The following ADAMTS2 variants were observed in gnomAD, a reference collection of about 807,000 sequenced individuals.
The protein encoded by ADAMTS2 is ADAM metallopeptidase with thrombospondin type 1 motif 2.
A neutral mutation model predicts 123.0 loss-of-function variants in ADAMTS2; 50 were observed. The observed-to-expected ratio is 0.41, with a 90% CI of 0.32 to 0.51. The LOEUF (loss-of-function observed/expected upper bound fraction) is 0.51, where lower values mean the gene tolerates loss of function less well. Among genes scored for constraint, ADAMTS2 ranks in the 20% least tolerant of loss-of-function variants. The pLI is 0.35. For missense variants in ADAMTS2, 1,494 were observed against 1,705.2 expected, an observed-to-expected ratio of 0.88 and a Z score of 2.18; for synonymous variants, 678 against 695.4, an observed-to-expected ratio of 0.98 and a Z score of 0.39.
At chr5:179,295,436 G>A (rs1019246230) in intron 2 of ADAMTS2, among the ~76,000 whole-genome samples, 4 of 152,274 alleles carry the variant, frequency 2.6e-5, no homozygotes, top group East Asian at 3.9e-4. Flanking sequence ...AAGCTCCCTC[G>A]TCCTGCCCGC....
rs1765489389 is a variant in ADAMTS2, at chr5:179,234,897, C to T, written c.689-27182G>A. ...CCTCCCTCTTCCCAAGCCTAGCAGA[C>T]CCGTGCGGGAGTGCGAGCACACTGG... On this transcript the variant is annotated intron_variant, in intron 3 of 21. Transcript: ENST00000251582. This position sits in a 1 kb window ranked among gnomAD's most constrained non-coding sequence, Gnocchi z 4.7. 6.6e-6 allele frequency among the ~76,000 whole-genome samples: 1 copy of T among 152,222 alleles called. No individual in the cohort carries two copies. Among genetic ancestry groups the T allele is most frequent in the South Asian group, 2.1e-4 (1 of 4,834 alleles).
At chr5:179,275,072 G>A (rs1766658569) in intron 2 of ADAMTS2, among the ~76,000 whole-genome samples, 1 of 152,162 alleles carries the variant, frequency 6.6e-6, no homozygotes, top group Non-Finnish European at 1.5e-5. Context: ...CAAGGGCACG[G>A]TGCCCGGTGG....
intron 10 of ADAMTS2, among the ~76,000 whole-genome samples, chr5:179,143,177 T>A (rs1170493407): frequency 2.0e-5 from 3 of 152,224 alleles, no homozygotes; most frequent in African/African-American, 7.2e-5. Context: ...CTCACACCTG[T>A]AGTCCCAGCA....
intron 2 of ADAMTS2, among the ~76,000 whole-genome samples, chr5:179,290,503 G>A (rs995581777): frequency 2.6e-5 from 4 of 152,260 alleles, no homozygotes; most frequent in Middle Eastern, 3.4e-3. Flanking sequence ...AAGTACCAAC[G>A]CTTAGTATCA....
rs1764264106 is a variant in ADAMTS2, at chr5:179,189,836, C to A, written c.892-8681G>T. On this transcript the variant is annotated intron_variant, in intron 4 of 21. Coordinates refer to ENST00000251582, the MANE Select transcript of ADAMTS2 (RefSeq NM_014244.5). The surrounding 1 kb of genome is among the most constrained non-coding windows in gnomAD (Gnocchi z 4.2). ...CTTAAGTTGGGGGGAGAGAATATTA[C>A]AAAGTATCTTCTCAAGGGTGGGGAG... is the stretch of plus-strand genomic sequence containing the variant. 6.9e-6 allele frequency among the ~76,000 whole-genome samples: 1 copy of A among 145,190 alleles called. No individual in the cohort carries two copies. Among genetic ancestry groups the A allele is most frequent in the Non-Finnish European group, 1.5e-5 (1 of 67,034 alleles).
At chr5:179,330,485 G>T (rs1757453134) in intron 2 of ADAMTS2, among the ~76,000 whole-genome samples, 1 of 152,244 alleles carries the variant, frequency 6.6e-6, no homozygotes, top group African/African-American at 2.4e-5. Context: ...CCCCGGCTTT[G>T]GTTTTTAATG....
In ADAMTS2 at chr5:179,225,281, G is replaced by A. The variant is rs458752; in HGVS notation, c.689-17566C>T. Among the ~76,000 whole-genome samples the A allele has an allele frequency of 0.79, 120,036 of 152,130 alleles. 47,759 individuals are homozygous for A. The highest frequency in any genetic ancestry group is 0.99 in the East Asian group (5,153 of 5,190). The stretch of plus-strand genomic sequence containing the variant: ...CATAAAGCGCTCTTACAAATCAACA[G>A]GAAACAATCCAGCAATCCAAAAGGG... On this transcript the variant is annotated intron_variant, in intron 3 of 21. Transcript: ENST00000251582. This position sits in a 1 kb window ranked among gnomAD's most constrained non-coding sequence, Gnocchi z 4.5.
At chr5:179,141,920 A>G (rs1763178629) in intron 10 of ADAMTS2, among the ~76,000 whole-genome samples, 1 of 152,104 alleles carries the variant, frequency 6.6e-6, no homozygotes, top group Non-Finnish European at 1.5e-5. Context: ...CAGATTGCTT[A>G]TAGGGTAGAG....
At chr5:179,237,352 C>T (rs1191317752) in intron 3 of ADAMTS2, among the ~76,000 whole-genome samples, 1 of 152,166 alleles carries the variant, frequency 6.6e-6, no homozygotes, top group African/African-American at 2.4e-5. Context: ...AGACAAAGTG[C>T]AAGAAGGTGC....
intron 2 of ADAMTS2, among the ~76,000 whole-genome samples, chr5:179,321,579 G>A (rs779773528): frequency 2.1e-4 from 32 of 152,042 alleles, no homozygotes; most frequent in Non-Finnish European, 3.4e-4. Context: ...GCACATGGTG[G>A]GGGGCCAAGG....
intron 4 of ADAMTS2, among the ~76,000 whole-genome samples, chr5:179,193,325 T>A (rs1035076907): frequency 6.6e-6 from 1 of 152,164 alleles, no homozygotes; most frequent in Non-Finnish European, 1.5e-5. Context: ...CGCCGAGTAC[T>A]TCCCCGCGTG....
intron 4 of ADAMTS2, among the ~76,000 whole-genome samples, chr5:179,194,881 A>G (rs576608321): frequency 7.6e-4 from 115 of 152,250 alleles, no homozygotes; most frequent in African/African-American, 2.5e-3. Context: ...CAAACCTCCT[A>G]AGAGAGAGGA....
At chr5:179,280,299 T>C (rs1361156590) in intron 2 of ADAMTS2, among the ~76,000 whole-genome samples, 1 of 151,884 alleles carries the variant, frequency 6.6e-6, no homozygotes, top group African/African-American at 2.4e-5. Flanking sequence ...AAGGGCAGGG[T>C]GGGGGGCGAG....
chr5:179,277,322 C>CCCA lies in ADAMTS2; in HGVS notation c.535-4259_535-4258insTGG, dbSNP rs1766728872. Among the ~76,000 whole-genome samples, 2 of 57,568 alleles carry CCCA rather than the reference C, an allele frequency of 3.5e-5. 1 individual carries two copies. The highest frequency in any genetic ancestry group is 6.2e-5 in the Non-Finnish European group (2 of 32,418). The allele number at this position is 57,568 out of a possible 152,430, so 37.8% of individuals were successfully genotyped here. ...CCTGCCCCGAGACCAAAGGCTGACA[C>CCCA]CCCGAGACCAAAGGCTGACCCCCCT... On this transcript the variant is annotated intron_variant, in intron 2 of 21. Transcript: ENST00000251582.
chr5:179,209,735 G>A (rs1040411610), intron 3 of ADAMTS2, among the ~76,000 whole-genome samples: 10 of 152,214 alleles, frequency 6.6e-5, no homozygotes, highest in Non-Finnish European at 1.2e-4. Context: ...CATCCATGCC[G>A]TTCCCAGAGG....
At position 179,126,036 on chromosome 5, in the gene ADAMTS2, G is replaced by A; in HGVS notation, c.2712C>T (p.Ile904=). The A allele has an allele frequency of 6.2e-7, 1 of 1,613,462 alleles. No homozygotes were observed. Among genetic ancestry groups the A allele is most frequent in the Non-Finnish European group, 8.5e-7 (1 of 1,180,020 alleles). Residue 904 remains isoleucine (I), a synonymous_variant, in exon 18 of 22, where the codon ATC becomes ATT. Coordinates refer to ENST00000251582, the MANE Select transcript of ADAMTS2 (RefSeq NM_014244.5). ...FCAALSKPKA[I]RRACNPQECS... is the part of the protein sequence containing the mutation. ...ATTCCTGTGGGTTGCACGCTCTGCGGATGGCTTTGGGCTTCGAGAGGGCGG... is the reference window on the plus strand; with the variant it reads ...ATTCCTGTGGGTTGCACGCTCTGCGAATGGCTTTGGGCTTCGAGAGGGCGG...
At chr5:179,135,702 C>T (rs1258254808) in intron 13 of ADAMTS2, among the ~76,000 whole-genome samples, 1 of 152,082 alleles carries the variant, frequency 6.6e-6, no homozygotes, top group Non-Finnish European at 1.5e-5. Flanking sequence ...CCAGGTGAGT[C>T]CTAGGCATAC....
chr5:179,187,959 C>T (rs1334503845), intron 4 of ADAMTS2, among the ~76,000 whole-genome samples: 1 of 152,116 alleles, frequency 6.6e-6, no homozygotes, highest in Non-Finnish European at 1.5e-5. Flanking sequence ...GAGTTCCACC[C>T]AGGGGATGGT....
rs1764277261 is a variant in ADAMTS2, at chr5:179,190,353, GGTT to G, written c.892-9201_892-9199del. Among the ~76,000 whole-genome samples, 2 of 152,128 alleles carry G rather than the reference GGTT, an allele frequency of 1.3e-5. 1 individual carries two copies. The highest frequency in any genetic ancestry group is 1.3e-4 in the Admixed American group (2 of 15,260). Reference sequence around the variant, plus strand: ...TTTGGGGTAACAGGTGATATTATGGGGTTGTTAGAAGGAGCATTTGTCGTATAG... The same window carrying G: ...TTTGGGGTAACAGGTGATATTATGGGGTTAGAAGGAGCATTTGTCGTATAG... On this transcript the variant is annotated intron_variant, in intron 4 of 21. Transcript: ENST00000251582.
Sources: gnomAD v4.1 joint callset for allele counts (sites outside exome capture counted in the v4.1 genomes callset) on GRCh38, gnomAD v4.1.1 for gene constraint, Gnocchi (gnomAD v3.1) non-coding constraint, MANE v1.5 for transcripts, NCBI Gene and HGNC (gene_info 2026-07-23, HGNC 2026-07-21) for gene names.